Variants in MDGA2 observed in about 807,000 individuals in gnomAD.
The protein encoded by MDGA2 is MAM domain containing glycosylphosphatidylinositol anchor 2.
In MDGA2, 40 loss-of-function variants were observed where a neutral mutation model predicts 117.8. The observed-to-expected ratio is 0.34, with a 90% CI of 0.26 to 0.44. MDGA2 has a LOEUF of 0.44. Ranked by LOEUF, MDGA2 falls within the 20% of genes least tolerant of loss-of-function variation. The pLI, the probability that MDGA2 is intolerant of heterozygous loss-of-function variation, is 1.00. For missense variants in MDGA2, 1,123 were observed against 1,250.6 expected (o/e 0.90, Z 1.54); for synonymous variants, 452 against 439.0 (o/e 1.03, Z -0.37).
At chr14:47,434,956 G>T (rs2416073) in intron 1 of MDGA2, among the ~76,000 whole-genome samples, 53,482 of 152,038 alleles carry the variant, frequency 0.35, 9,618 homozygotes, top group East Asian at 0.59. Flanking sequence ...ACCAACATGG[G>T]GAAAACCTGT....
At chr14:47,540,536 G>A (rs1426797583) in intron 1 of MDGA2, among the ~76,000 whole-genome samples, 17 of 71,134 alleles carry the variant, frequency 2.4e-4, no homozygotes, top group African/African-American at 6.3e-4. Context: ...GTGTGTGTGT[G>A]TGTGTATATA....
intron 4 of MDGA2, among the ~76,000 whole-genome samples, chr14:47,135,102 C>T (rs1882390149): frequency 6.6e-6 from 1 of 152,076 alleles, no homozygotes; most frequent in Admixed American, 6.5e-5. Context: ...TGATGATGAT[C>T]TCTTGTTAAA....
chr14:47,108,241 C>G (rs1880833762), intron 5 of MDGA2, among the ~76,000 whole-genome samples: 1 of 152,094 alleles, frequency 6.6e-6, no homozygotes, highest in African/African-American at 2.4e-5. Context: ...TAACACCCCC[C>G]AAAAAATTTT....
At chr14:47,509,396 T>C (rs373586226) in intron 1 of MDGA2, among the ~76,000 whole-genome samples, 105 of 152,290 alleles carry the variant, frequency 6.9e-4, no homozygotes, top group African/African-American at 2.1e-3. Flanking sequence ...GAAAGTGGTA[T>C]GAAAGCACAG....
intron 10 of MDGA2, among the ~76,000 whole-genome samples, chr14:46,911,684 T>G (rs1883710419): frequency 6.6e-6 from 1 of 152,158 alleles, no homozygotes; most frequent in Non-Finnish European, 1.5e-5. Flanking sequence ...CAATTTTACC[T>G]CAAGTTAATT....
In MDGA2 at chr14:47,381,325, A is replaced by G. The variant is rs137934313; in HGVS notation, c.281-79775T>C. Reference sequence around the variant, plus strand: ...CAAGACAGGGATGCCCTCTCTCACCACTCCTATTCAACATAGCGTTGGAAG... The same window carrying G: ...CAAGACAGGGATGCCCTCTCTCACCGCTCCTATTCAACATAGCGTTGGAAG... On this transcript the variant is annotated intron_variant, in intron 1 of 16. Coordinates refer to ENST00000399232, the MANE Select transcript of MDGA2 (RefSeq NM_001113498.3). 3.5e-3 allele frequency among the ~76,000 whole-genome samples: 537 copies of G among 152,104 alleles called. 4 individuals carry two copies. Among genetic ancestry groups the G allele is most frequent in the African/African-American group, 0.012 (513 of 41,464 alleles).
intron 5 of MDGA2, among the ~76,000 whole-genome samples, chr14:47,119,215 G>A (rs1163237342): frequency 1.7e-4 from 15 of 88,550 alleles, no homozygotes; most frequent in African/African-American, 7.1e-4. Context: ...ACAGGCACCC[G>A]CCACCACACC....
intron 1 of MDGA2, among the ~76,000 whole-genome samples, chr14:47,459,796 C>T (rs1893445244): frequency 6.6e-6 from 1 of 152,040 alleles, no homozygotes; most frequent in African/African-American, 2.4e-5. Context: ...CCGAAATGTA[C>T]TGATTTATGT....
chr14:47,152,784 A>G (rs1042589889), intron 3 of MDGA2, among the ~76,000 whole-genome samples: 5 of 152,224 alleles, frequency 3.3e-5, no homozygotes, highest in Admixed American at 1.3e-4. Flanking sequence ...TGGAAAGAAC[A>G]GTAAAGGCTA....
intron 1 of MDGA2, among the ~76,000 whole-genome samples, chr14:47,649,092 A>G (rs1302976573): frequency 1.3e-5 from 2 of 152,192 alleles, no homozygotes; most frequent in African/African-American, 4.8e-5. Context: ...ATATTTGTAT[A>G]CTCATTAAAT....
At chr14:46,981,456 T>G (rs1886669811) in intron 8 of MDGA2, among the ~76,000 whole-genome samples, 1 of 152,180 alleles carries the variant, frequency 6.6e-6, no homozygotes, top group Non-Finnish European at 1.5e-5. Flanking sequence ...TATGCTTTTA[T>G]TACTACTGTA....
At chr14:47,667,226 G>C (rs897074548) in intron 1 of MDGA2, among the ~76,000 whole-genome samples, 1 of 152,102 alleles carries the variant, frequency 6.6e-6, no homozygotes, top group Non-Finnish European at 1.5e-5. Flanking sequence ...AATTCAAACT[G>C]GTCACCACTT....
At chr14:47,381,343 G>T (rs878869917) in intron 1 of MDGA2, among the ~76,000 whole-genome samples, 3 of 151,944 alleles carry the variant, frequency 2.0e-5, no homozygotes, top group Admixed American at 6.6e-5. Context: ...TCAACATAGC[G>T]TTGGAAGTTC....
intron 1 of MDGA2, among the ~76,000 whole-genome samples, chr14:47,628,216 T>A (rs780712273): frequency 8.5e-5 from 13 of 152,192 alleles, no homozygotes; most frequent in Non-Finnish European, 1.3e-4. Flanking sequence ...ATTCTCCTCA[T>A]CCATTTTTAT....
intron 15 of MDGA2, among the ~76,000 whole-genome samples, chr14:46,848,971 C>T (rs2138281339): frequency 6.6e-6 from 1 of 152,092 alleles, no homozygotes; most frequent in East Asian, 1.9e-4. Flanking sequence ...AAAAAGTAGG[C>T]TGATTTGCAA....
In MDGA2 at chr14:47,561,141, G is replaced by GTTTGTTTTTTTTTTTTTT. The variant is rs1555332241; in HGVS notation, c.280+113375_280+113376insAAAAAAAAAAAAAACAAA. ...AGGCTAGCATGATACCTCTATCTTT[G>GTTTGTTTTTTTTTTTTTT]TTTTTTTTTTTGTTTTGTTTTGTTT... On this transcript the variant is annotated intron_variant, in intron 1 of 16. Transcript: ENST00000399232. Among the ~76,000 whole-genome samples the GTTTGTTTTTTTTTTTTTT allele has an allele frequency of 1.7e-4, 9 of 52,140 alleles. No homozygotes were observed. In the East Asian group the frequency reaches 6.1e-3, roughly 35 times the overall value. The allele number at this position is 52,140 out of a possible 152,430, so 34.2% of individuals were successfully genotyped here.
At chr14:47,242,036 T>C (rs959990324) in intron 2 of MDGA2, among the ~76,000 whole-genome samples, 1 of 151,834 alleles carries the variant, frequency 6.6e-6, no homozygotes, top group Non-Finnish European at 1.5e-5. Context: ...GTTTTTATTT[T>C]CCTTAGTATC....
intron 9 of MDGA2, among the ~76,000 whole-genome samples, chr14:46,932,546 A>G (rs534620482): frequency 6.6e-6 from 1 of 152,236 alleles, no homozygotes; most frequent in African/African-American, 2.4e-5. Flanking sequence ...CTTTCCTAAA[A>G]TCATCTTCCT....
intron 1 of MDGA2, among the ~76,000 whole-genome samples, chr14:47,490,566 C>T (rs1343474017): frequency 6.6e-6 from 1 of 151,968 alleles, no homozygotes; most frequent in African/African-American, 2.4e-5. Flanking sequence ...TCAGTAATTG[C>T]CAAGTTTTAC....
Sources: allele counts gnomAD v4.1 joint callset (sites outside exome capture counted in the v4.1 genomes callset), GRCh38; gene constraint gnomAD v4.1.1; transcripts MANE v1.5; gene names NCBI Gene and HGNC (gene_info 2026-07-23, HGNC 2026-07-21).